Variants in CCSER2 observed in about 807,000 individuals in gnomAD.
CCSER2 encodes the protein serine-rich coiled-coil domain-containing protein 2.
Under a neutral mutation model 92.3 loss-of-function variants are expected in CCSER2, and 46 were observed. That is an observed-to-expected ratio of 0.50 (90% confidence interval 0.39 to 0.64). The LOEUF (loss-of-function observed/expected upper bound fraction) is 0.64, where lower values mean the gene tolerates loss of function less well. Among genes scored for constraint, CCSER2 ranks in the 30% least tolerant of loss-of-function variants. CCSER2 has a pLI of 0.00. For missense variants in CCSER2, 1,244 were observed against 1,238.9 expected (o/e 1.00, Z -0.06); for synonymous variants, 433 against 431.4 (o/e 1.00, Z -0.04).
At chr10:84,453,119 G>C (rs558733651) in intron 6 of CCSER2, among the ~76,000 whole-genome samples, 10 of 151,870 alleles carry the variant, frequency 6.6e-5, no homozygotes, top group Non-Finnish European at 1.2e-4. Context: ...GTAACTCCTA[G>C]TTGTCTTGGG....
At chr10:84,481,683 A>G (rs975630926) in intron 9 of CCSER2, among the ~76,000 whole-genome samples, 4 of 152,142 alleles carry the variant, frequency 2.6e-5, no homozygotes, top group Non-Finnish European at 5.9e-5. Flanking sequence ...TTTAAGTATA[A>G]GTTTTTAAGA....
chr10:84,419,924 C>T (rs1027585466), intron 4 of CCSER2, among the ~76,000 whole-genome samples: 5 of 152,120 alleles, frequency 3.3e-5, no homozygotes, highest in African/African-American at 1.2e-4. Context: ...TATTGTAGAA[C>T]ACAGAGGAAA....
chr10:84,387,954 C>G (rs977075976), intron 3 of CCSER2, among the ~76,000 whole-genome samples: 4 of 152,154 alleles, frequency 2.6e-5, no homozygotes, highest in Non-Finnish European at 5.9e-5. Flanking sequence ...ACCTCCACCT[C>G]CTGGGTTCAA....
chr10:84,421,094 T>C (rs1338384163), intron 4 of CCSER2, among the ~76,000 whole-genome samples: 1 of 152,138 alleles, frequency 6.6e-6, no homozygotes, highest in African/African-American at 2.4e-5. Context: ...GAATGACAAT[T>C]GTCAGATTAT....
intron 6 of CCSER2, 74 bp downstream of exon 6, chr10:84,438,781 A>G: frequency 1.1e-6 from 1 of 885,134 alleles, no homozygotes; most frequent in Non-Finnish European, 1.7e-6. Flanking sequence ...TTTTTTTAAA[A>G]AAATACTTAC....
intron 8 of CCSER2, chr10:84,473,109 T>C (rs1846918000): frequency 6.6e-6 from 1 of 152,212 alleles, no homozygotes; most frequent in Non-Finnish European, 1.5e-5. Context: ...TTGAAGAGCA[T>C]CCTAAAGAAA....
chr10:84,405,408 A>C (rs920227065), intron 3 of CCSER2, among the ~76,000 whole-genome samples: 1 of 152,228 alleles, frequency 6.6e-6, no homozygotes, highest in Non-Finnish European at 1.5e-5. Context: ...GATTAGGTGA[A>C]AAGTTATTAG....
chr10:84,411,021 G>A (rs140873697), intron 3 of CCSER2, among the ~76,000 whole-genome samples: 16 of 152,270 alleles, frequency 1.1e-4, no homozygotes, highest in African/African-American at 3.8e-4. Context: ...TAAATAGGGT[G>A]TCCTTTCTCT....
chr10:84,419,832 C>G (rs1490683129), intron 4 of CCSER2, among the ~76,000 whole-genome samples: 1 of 152,184 alleles, frequency 6.6e-6, no homozygotes, highest in African/African-American at 2.4e-5. Context: ...GACTTCCCAA[C>G]AGAACAGTTT....
chr10:84,444,937 T>G (rs1844816846), intron 6 of CCSER2, among the ~76,000 whole-genome samples: 1 of 152,152 alleles, frequency 6.6e-6, no homozygotes, highest in Admixed American at 6.5e-5. Context: ...ATTTTAATGG[T>G]CAGAAAACTA....
chr10:84,400,936 C>T (rs967874349), intron 3 of CCSER2, among the ~76,000 whole-genome samples: 15 of 151,980 alleles, frequency 9.9e-5, no homozygotes, highest in African/African-American at 3.6e-4. Context: ...TAAATGCCAT[C>T]TGTAGCCGGG....
chr10:84,489,456 C>T (rs1436531801), intron 9 of CCSER2, among the ~76,000 whole-genome samples: 1 of 152,156 alleles, frequency 6.6e-6, no homozygotes, highest in Non-Finnish European at 1.5e-5. Context: ...AAATAGTTAG[C>T]TCTTCTTGTT....
chr10:84,514,093 A>AAAAC lies in CCSER2; in HGVS notation c.2980_2983dup (p.Ser995LysfsTer43). On this transcript the variant is annotated frameshift_variant, in exon 10 of 10. Transcript: ENST00000372088. LOFTEE classifies it high-confidence loss of function. ...GCCCCCCCTCAGGCTCTTTCAAACA[A>AAAAC]AAACAAACAAACAGCCCCCAACTAG... 1 of 1,536,174 alleles carries AAAAC rather than the reference A, an allele frequency of 6.5e-7. No individual in the cohort carries two copies. The highest frequency in any genetic ancestry group is 8.7e-7 in the Non-Finnish European group (1 of 1,146,932).
At chr10:84,493,920 G>A (rs2131813491) in intron 9 of CCSER2, among the ~76,000 whole-genome samples, 1 of 152,316 alleles carries the variant, frequency 6.6e-6, no homozygotes, top group Admixed American at 6.5e-5. Flanking sequence ...CTGTCTGGGG[G>A]TGATGGGAGA....
At chr10:84,474,583 C>T (rs1431162614) in intron 8 of CCSER2, among the ~76,000 whole-genome samples, 1 of 150,510 alleles carries the variant, frequency 6.6e-6, no homozygotes, top group Admixed American at 6.7e-5. Flanking sequence ...ATCACTTGAA[C>T]CCGTGAGGCC....
intron 9 of CCSER2, among the ~76,000 whole-genome samples, chr10:84,498,691 TATAC>T (rs1037852469): frequency 2.6e-5 from 4 of 152,196 alleles, no homozygotes; most frequent in African/African-American, 9.7e-5. Context: ...TCTGAAAAAA[TATAC>T]ATAATTTCTT....
At chr10:84,504,952 C>A (rs1016909160) in intron 9 of CCSER2, among the ~76,000 whole-genome samples, 6 of 152,084 alleles carry the variant, frequency 3.9e-5, no homozygotes, top group Non-Finnish European at 7.4e-5. Flanking sequence ...TTTGTAAATA[C>A]AATGACTCTT....
At chr10:84,354,917 T>A (rs1256171907) in intron 1 of CCSER2, among the ~76,000 whole-genome samples, 1 of 151,822 alleles carries the variant, frequency 6.6e-6, no homozygotes, top group Non-Finnish European at 1.5e-5. Context: ...TTGAGCTCTT[T>A]CCTCTTATCT....
At chr10:84,501,445 A>G (rs1010709026) in intron 9 of CCSER2, among the ~76,000 whole-genome samples, 2 of 152,010 alleles carry the variant, frequency 1.3e-5, no homozygotes, top group Non-Finnish European at 2.9e-5. Context: ...CCTTCTCCTC[A>G]GCTAGCTGTA....
Sources: gnomAD v4.1 joint callset for allele counts (sites outside exome capture counted in the v4.1 genomes callset) on GRCh38, gnomAD v4.1.1 for gene constraint, MANE v1.5 for transcripts, NCBI Gene and HGNC (gene_info 2026-07-23, HGNC 2026-07-21) for gene names.